The following DLG1 variants were observed in gnomAD, a reference collection of about 807,000 sequenced individuals.
DLG1 encodes the protein discs large MAGUK scaffold protein 1.
In DLG1, 42 loss-of-function variants were observed where a neutral mutation model predicts 123.4. That is an observed-to-expected ratio of 0.34 (90% CI 0.27 to 0.44). The LOEUF (loss-of-function observed/expected upper bound fraction) is 0.44, where lower values mean the gene tolerates loss of function less well. Among genes scored for constraint, DLG1 ranks in the 20% least tolerant of loss-of-function variants. DLG1 has a pLI of 1.00. For synonymous variants in DLG1, 317 were observed against 356.2 expected (o/e 0.89, Z 1.24); for missense variants, 942 against 1,082.6 (o/e 0.87, Z 1.82).
At chr3:197,169,556 T>C (rs1803082818) in intron 5 of DLG1, among the ~76,000 whole-genome samples, 3 of 152,202 alleles carry the variant, frequency 2.0e-5, no homozygotes, top group Non-Finnish European at 2.9e-5. Flanking sequence ...TATAAAAGAG[T>C]TGCAAGGCTA....
intron 4 of DLG1, among the ~76,000 whole-genome samples, chr3:197,261,431 GATCCTGTCTGTAAAAACCTTTAAA>G (rs1759402868): frequency 6.6e-6 from 1 of 152,220 alleles, no homozygotes; most frequent in South Asian, 2.1e-4. Context: ...AACAGGGTGA[GATCCTGTCTGTAAAAACCTTTAAA>G]ATCCAAGAAA....
chr3:197,237,492 C>G lies in DLG1; in HGVS notation c.319-42903G>C, dbSNP rs116364349. ...ATACAACTTTTAGATGACAACTGCT[C>G]TATTCCAGCTAAACACCACAGAAAA... On this transcript the variant is annotated intron_variant, in intron 4 of 24. Transcript: ENST00000667157. 3.6e-3 allele frequency among the ~76,000 whole-genome samples: 547 copies of G among 152,318 alleles called. 2 individuals are homozygous for G. The highest frequency in any genetic ancestry group is 0.012 in the African/African-American group (517 of 41,562).
At chr3:197,191,024 A>C (rs1355917267) in intron 5 of DLG1, among the ~76,000 whole-genome samples, 2 of 152,122 alleles carry the variant, frequency 1.3e-5, no homozygotes, top group African/African-American at 4.8e-5. Context: ...AAAACAAAAC[A>C]AAACAACAAC....
At chr3:197,248,138 G>A (rs1050051094) in intron 4 of DLG1, among the ~76,000 whole-genome samples, 1 of 152,124 alleles carries the variant, frequency 6.6e-6, no homozygotes, top group African/African-American at 2.4e-5. Flanking sequence ...TGACCACTAG[G>A]AATACTTTAC....
At chr3:197,298,237 T>TCGGGTTGGAAGGGGGAGG (rs1778479269) in intron 1 of DLG1, 2 of 334,624 alleles carry the variant, frequency 6.0e-6, no homozygotes, top group Non-Finnish European at 1.1e-5. Flanking sequence ...GCTGCTACCT[T>TCGGGTTGGAAGGGGGAGG]CGGGTTGGAA....
intron 3 of DLG1, among the ~76,000 whole-genome samples, chr3:197,288,147 G>A (rs565032895): frequency 6.6e-6 from 1 of 151,730 alleles, no homozygotes; most frequent in Non-Finnish European, 1.5e-5. Flanking sequence ...AGGCAGATCA[G>A]GAGGTCAAGA....
At chr3:197,219,495 G>A (rs1248180173) in intron 4 of DLG1, among the ~76,000 whole-genome samples, 7 of 152,148 alleles carry the variant, frequency 4.6e-5, no homozygotes, top group Non-Finnish European at 8.8e-5. Context: ...TCTTTCACAT[G>A]CTTGTCAACT....
At chr3:197,059,088 G>A (rs1578275129) in intron 23 of DLG1, among the ~76,000 whole-genome samples, 1 of 152,286 alleles carries the variant, frequency 6.6e-6, no homozygotes, top group South Asian at 2.1e-4. Context: ...ACCACGCCCG[G>A]CTAATTTTCT....
intron 5 of DLG1, chr3:197,161,660 T>A: frequency 6.5e-7 from 1 of 1,548,392 alleles, no homozygotes; most frequent in Non-Finnish European, 8.7e-7. Flanking sequence ...GTGGGTAGGA[T>A]GACAGTATTC....
intron 23 of DLG1, among the ~76,000 whole-genome samples, chr3:197,059,479 A>C (rs1345399078): frequency 6.6e-6 from 1 of 152,106 alleles, no homozygotes; most frequent in Non-Finnish European, 1.5e-5. Flanking sequence ...CTCACTATTT[A>C]TATGGTTCTG....
Position 197,162,560 on chromosome 3 carries a change from T to C in DLG1, c.484-12764A>G, listed in dbSNP as rs144142932. Reference sequence around the variant, plus strand: ...CTTCATTCATAAATGCAAAATAAAATGGCAATGATCTTTTCTGCCTACCAA... The same window carrying C: ...CTTCATTCATAAATGCAAAATAAAACGGCAATGATCTTTTCTGCCTACCAA... On this transcript the variant is annotated intron_variant, in intron 5 of 24. Transcript: ENST00000667157. 9.4e-3 allele frequency among the ~76,000 whole-genome samples: 1,432 copies of C among 152,274 alleles called. 22 individuals are homozygous for C. The highest frequency in any genetic ancestry group is 0.032 in the African/African-American group (1,350 of 41,542).
chr3:197,175,364 GACTGAT>G (rs1806450356), intron 5 of DLG1, among the ~76,000 whole-genome samples: 1 of 152,124 alleles, frequency 6.6e-6, no homozygotes, highest in Non-Finnish European at 1.5e-5. Context: ...TATTTAAAGA[GACTGAT>G]ACTAAGTAAA....
At chr3:197,296,785 C>T (rs973781868) in intron 2 of DLG1, 19 of 326,534 alleles carry the variant, frequency 5.8e-5, no homozygotes, top group African/African-American at 4.5e-4. Context: ...TTTCAGATTA[C>T]CTGATAATGC....
chr3:197,278,668 T>C (rs1194246382), intron 4 of DLG1, among the ~76,000 whole-genome samples: 9 of 150,308 alleles, frequency 6.0e-5, no homozygotes, highest in South Asian at 4.2e-4. Context: ...TCAGAAGAAA[T>C]AGAACAAACA....
At chr3:197,147,044 G>A (rs370210984) in intron 6 of DLG1, among the ~76,000 whole-genome samples, 1 of 152,050 alleles carries the variant, frequency 6.6e-6, no homozygotes, top group Admixed American at 6.6e-5. Context: ...ATATGGAAAA[G>A]TGCTCAACAT....
intron 4 of DLG1, among the ~76,000 whole-genome samples, chr3:197,256,849 A>C (rs1406675716): frequency 6.6e-6 from 1 of 152,184 alleles, no homozygotes; most frequent in African/African-American, 2.4e-5. Flanking sequence ...AAAAGCCAAA[A>C]TGGTAATGAA....
At chr3:197,273,537 T>C (rs1298533268) in intron 4 of DLG1, among the ~76,000 whole-genome samples, 1 of 152,004 alleles carries the variant, frequency 6.6e-6, no homozygotes, top group East Asian at 1.9e-4. Context: ...CGCACCCGGC[T>C]GAATATATAC....
intron 18 of DLG1, among the ~76,000 whole-genome samples, chr3:197,072,716 T>C (rs184880551): frequency 7.4e-5 from 11 of 149,156 alleles, no homozygotes; most frequent in African/African-American, 2.4e-4. Context: ...AAAAAAAACC[T>C]GAGTCTTGCT....
At chr3:197,281,159 T>G (rs1769174834) in intron 4 of DLG1, among the ~76,000 whole-genome samples, 1 of 151,990 alleles carries the variant, frequency 6.6e-6, no homozygotes, top group Non-Finnish European at 1.5e-5. Flanking sequence ...TGCCTCAGCC[T>G]CCCTGGTAGC....
Sources: gnomAD v4.1 joint callset for allele counts (sites outside exome capture counted in the v4.1 genomes callset) on GRCh38, gnomAD v4.1.1 for gene constraint, MANE v1.5 for transcripts, NCBI Gene and HGNC (gene_info 2026-07-23, HGNC 2026-07-21) for gene names.